DGKG: variants seen among roughly 807,000 people sequenced by gnomAD.
The protein encoded by DGKG is diacylglycerol kinase gamma, also known as DAG kinase gamma.
In DGKG, 78 loss-of-function variants were observed where a neutral mutation model predicts 105.3. That is an observed-to-expected ratio of 0.74 (90% CI 0.62 to 0.89). The LOEUF is 0.89. DGKG is among the 40% of genes least tolerant of loss of function. DGKG has a pLI of 0.00. For missense variants in DGKG, 958 were observed against 1,020.1 expected (o/e 0.94, Z 0.83); for synonymous variants, 346 against 367.1 (o/e 0.94, Z 0.66).
chr3:186,178,011 G>A (rs1439026801), intron 22 of DGKG, among the ~76,000 whole-genome samples: 2 of 152,086 alleles, frequency 1.3e-5, no homozygotes, highest in Admixed American at 1.3e-4. Context: ...AATGTGATTA[G>A]TTCCTTTATA....
chr3:186,208,369 C>T (rs1239359499), intron 21 of DGKG, among the ~76,000 whole-genome samples: 1 of 151,796 alleles, frequency 6.6e-6, no homozygotes, highest in Non-Finnish European at 1.5e-5. Flanking sequence ...TGGAAACCTT[C>T]CCTGCAGTCT....
chr3:186,331,767 T>C (rs768493230), intron 1 of DGKG, among the ~76,000 whole-genome samples: 21 of 152,336 alleles, frequency 1.4e-4, no homozygotes, highest in Non-Finnish European at 2.1e-4. Flanking sequence ...AATCTGAGGA[T>C]TGGTCATTCA....
chr3:186,310,264 T>TTAAAAAAAAA (rs1724461587), intron 2 of DGKG, among the ~76,000 whole-genome samples: 1 of 7,498 alleles, frequency 1.3e-4, no homozygotes, highest in Non-Finnish European at 2.9e-4. Context: ...AGACTCCGTC[T>TTAAAAAAAAA]CAAAAAAAAA....
chr3:186,253,503 A>C (rs1021675614), intron 17 of DGKG, among the ~76,000 whole-genome samples: 1 of 152,216 alleles, frequency 6.6e-6, no homozygotes, highest in African/African-American at 2.4e-5. Flanking sequence ...ATTAAGTTGC[A>C]TGTTTTTAAT....
rs114553673 is a variant in DGKG, at chr3:186,182,985, T to C, written c.2095+5217A>G. On this transcript the variant is annotated intron_variant, in intron 22 of 24. Transcript: ENST00000265022. ...ACTTCTGATCAGTGTACTGATGAGA[T>C]AGAAGGCAAAATTAAGTGCTCAGGG... Among the ~76,000 whole-genome samples, 949 of 152,282 alleles carry C rather than the reference T, an allele frequency of 6.2e-3. 8 individuals carry two copies. Among genetic ancestry groups the C allele is most frequent in the African/African-American group, 0.021 (860 of 41,558 alleles).
chr3:186,269,071 T>C (rs1722195681), intron 11 of DGKG, among the ~76,000 whole-genome samples, 154 bp from the exon 12 acceptor site: 1 of 152,202 alleles, frequency 6.6e-6, no homozygotes, highest in Non-Finnish European at 1.5e-5. Context: ...GTGGCTTGCC[T>C]AATGGCACGA....
chr3:186,279,948 A>G lies in DGKG; in HGVS notation c.695T>C (p.Met232Thr), dbSNP rs758065190. The G allele has an allele frequency of 1.7e-5, 28 of 1,614,154 alleles. No individual in the cohort carries two copies. The highest frequency in any genetic ancestry group is 2.3e-5 in the Non-Finnish European group (27 of 1,179,988). ...CACAAAGCCGTCCCGGTCGTAGTCC[A>G]TCCCTTGCAGCATCTCCTTCAATAT... ...RPILKEMLQG[M>T]DYDRDGFVSL... The change falls in exon 9 of 25, where the codon ATG becomes ACG. Residue 232 changes from methionine (M) to threonine (T), a missense_variant. Physicochemically the swap from Met to Thr is moderately conservative, Grantham distance 81 (BLOSUM62 -1). Around this residue, in one of 2 missense-constraint regions of DGKG, gnomAD observed 643 missense variants for 619.5 expected, o/e 1.04. Coordinates refer to ENST00000265022, the MANE Select transcript of DGKG (RefSeq NM_001346.3).
At chr3:186,209,062 C>T (rs1718890257) in intron 21 of DGKG, among the ~76,000 whole-genome samples, 1 of 148,374 alleles carries the variant, frequency 6.7e-6, no homozygotes, top group African/African-American at 2.5e-5. Flanking sequence ...TCCTGTCCCA[C>T]TGGACTTTTC....
In DGKG at chr3:186,149,687, C is replaced by T; in HGVS notation, c.*403G>A. On this transcript the variant is annotated 3_prime_UTR_variant, in exon 25 of 25. Transcript: ENST00000265022. ...CTTCCCTTGGCCACATCTGATCTCA[C>T]CATAGGCAGGAAACCTGCAGCCTGC... 2 of 1,004,486 alleles carry T rather than the reference C, an allele frequency of 2.0e-6. No individual in the cohort carries two copies. The highest frequency in any genetic ancestry group is 2.4e-6 in the Non-Finnish European group (2 of 841,178). The allele number at this position is 1,004,486 out of a possible 1,614,324, so 62.2% of individuals were successfully genotyped here.
At chr3:186,219,999 A>G (rs1719485406) in intron 20 of DGKG, among the ~76,000 whole-genome samples, 1 of 152,236 alleles carries the variant, frequency 6.6e-6, no homozygotes, top group African/African-American at 2.4e-5. Context: ...GCTGCTGTCA[A>G]TATGTCTTAA....
At chr3:186,350,586 A>G (rs1223155010) in intron 1 of DGKG, among the ~76,000 whole-genome samples, 1 of 152,110 alleles carries the variant, frequency 6.6e-6, no homozygotes, top group Non-Finnish European at 1.5e-5. Flanking sequence ...CCTGCTTTCA[A>G]TTTTGGGGAG....
chr3:186,229,488 G>A (rs1004518723), intron 20 of DGKG, among the ~76,000 whole-genome samples: 6 of 152,166 alleles, frequency 3.9e-5, no homozygotes, highest in South Asian at 4.2e-4. Context: ...CAAGTGATCC[G>A]CCTGCCTCTG....
intron 20 of DGKG, among the ~76,000 whole-genome samples, chr3:186,241,613 C>CA (rs1720690197): frequency 6.6e-6 from 1 of 152,058 alleles, no homozygotes; most frequent in Non-Finnish European, 1.5e-5. Flanking sequence ...TAAAAGTCAA[C>CA]ACCTTTAGGC....
rs909670397 is a variant in DGKG, at chr3:186,361,407, C to T, written c.-249+539G>A. ...CAGATCAACCTCAGATTCGACCCTTCCCTCCTTTATTCTCTGAGGTGTCCG... is the reference window on the plus strand; with the variant it reads ...CAGATCAACCTCAGATTCGACCCTTTCCTCCTTTATTCTCTGAGGTGTCCG... On this transcript the variant is annotated intron_variant, in intron 1 of 24. Coordinates refer to ENST00000265022, the MANE Select transcript of DGKG (RefSeq NM_001346.3). This position sits in a 1 kb window ranked among gnomAD's most constrained non-coding sequence, Gnocchi z 6.8. Among the ~76,000 whole-genome samples, 1 of 152,150 alleles carries T rather than the reference C, an allele frequency of 6.6e-6. No individual in the cohort carries two copies. The highest frequency in any genetic ancestry group is 2.4e-5 in the African/African-American group (1 of 41,436).
At chr3:186,166,232 GACGATCACTA>G (rs2108481601) in intron 22 of DGKG, among the ~76,000 whole-genome samples, 1 of 151,158 alleles carries the variant, frequency 6.6e-6, no homozygotes, top group Admixed American at 6.6e-5. Context: ...CTAAATTACT[GACGATCACTA>G]ATGGACATCA....
chr3:186,275,991 TCTATTATC>T (rs905576788), intron 9 of DGKG, among the ~76,000 whole-genome samples: 49 of 151,226 alleles, frequency 3.2e-4, no homozygotes, highest in African/African-American at 1.2e-3. Flanking sequence ...TATCTATCTA[TCTATTATC>T]TATCATCTAT....
chr3:186,154,265 C>A (rs752765316), intron 24 of DGKG, among the ~76,000 whole-genome samples: 34 of 152,096 alleles, frequency 2.2e-4, no homozygotes, highest in Non-Finnish European at 4.0e-4. Flanking sequence ...CATGGCTTTC[C>A]GGTCTTAGTT....
At chr3:186,206,397 AC>A (rs1718738021) in intron 21 of DGKG, among the ~76,000 whole-genome samples, 1 of 150,848 alleles carries the variant, frequency 6.6e-6, no homozygotes, top group Non-Finnish European at 1.5e-5. Flanking sequence ...ACAAAACAAA[AC>A]AAAACAAAAA....
Position 186,147,706 on chromosome 3 carries a change from T to A in DGKG, c.*2384A>T. The A allele has an allele frequency of 2.0e-6, 2 of 985,462 alleles. No homozygotes were observed. Among genetic ancestry groups the A allele is most frequent in the Non-Finnish European group, 2.4e-6 (2 of 829,942 alleles). 61.0% of individuals were successfully genotyped at this position (985,462 alleles called of 1,614,324 possible). ...TGAGTCTCTGAGAATCAATTTCACC[T>A]GTTGATAGTGCCATGTCTCAATAGC... On this transcript the variant is annotated 3_prime_UTR_variant, in exon 25 of 25. Coordinates refer to ENST00000265022, the MANE Select transcript of DGKG (RefSeq NM_001346.3).
Sources: allele counts gnomAD v4.1 joint callset (sites outside exome capture counted in the v4.1 genomes callset), GRCh38; gene constraint gnomAD v4.1.1; regional missense constraint gnomAD v4.1.1; non-coding constraint Gnocchi (gnomAD v3.1); transcripts MANE v1.5; gene names NCBI Gene and HGNC (gene_info 2026-07-23, HGNC 2026-07-21).